Variants in CEP15 observed in about 807,000 individuals in gnomAD.
The protein encoded by CEP15 is centrosomal protein 15.
chr3:62,331,732 T>C, the CEP15 span, among the ~76,000 whole-genome samples: 1 of 152,134 alleles, frequency 6.6e-6, no homozygotes, highest in Non-Finnish European at 1.5e-5. Flanking sequence ...ACTCAAATGC[T>C]TTTGCTGCTT....
At chr3:62,333,540 T>G in the CEP15 span, 7 of 786,592 alleles carry the variant, frequency 8.9e-6, no homozygotes, top group Non-Finnish European at 1.1e-5. The surrounding 1 kb of genome is among the most constrained non-coding windows in gnomAD (Gnocchi z 4.0). Flanking sequence ...TACTGGCAAG[T>G]CACATGTTAT....
At chr3:62,327,975 C>A in the CEP15 span, among the ~76,000 whole-genome samples, 40 of 152,282 alleles carry the variant, frequency 2.6e-4, no homozygotes, top group African/African-American at 9.1e-4. Context: ...ATGATCCTAA[C>A]AGTCTTTGAT....
chr3:62,325,702 G>T, the CEP15 span, among the ~76,000 whole-genome samples: 2 of 152,052 alleles, frequency 1.3e-5, no homozygotes, highest in African/African-American at 4.8e-5. Flanking sequence ...CTCTCCCCAC[G>T]TACCTACCAT....
the CEP15 span, among the ~76,000 whole-genome samples, chr3:62,325,775 T>C: frequency 6.6e-6 from 1 of 152,196 alleles, no homozygotes; most frequent in Admixed American, 6.5e-5. Context: ...GGCTCACGCC[T>C]GTAATCCCAG....
At chr3:62,332,663 A>AAATT in the CEP15 span, among the ~76,000 whole-genome samples, 1 of 152,144 alleles carries the variant, frequency 6.6e-6, no homozygotes, top group Non-Finnish European at 1.5e-5. Context: ...AAAAATGGTT[A>AAATT]AATTATATTG....
the CEP15 span, among the ~76,000 whole-genome samples, chr3:62,332,804 G>A: frequency 1.3e-5 from 2 of 151,964 alleles, no homozygotes; most frequent in Non-Finnish European, 2.9e-5. Flanking sequence ...CTCATCCCAG[G>A]TCAAATCTTT....
the CEP15 span, among the ~76,000 whole-genome samples, chr3:62,325,410 T>C: frequency 7.9e-5 from 12 of 152,192 alleles, no homozygotes; most frequent in Non-Finnish European, 1.6e-4. Context: ...TCAAAGAATG[T>C]ATTTTAAAAA....
the CEP15 span, chr3:62,319,888 C>T: frequency 6.6e-6 from 1 of 152,384 alleles, no homozygotes; most frequent in Non-Finnish European, 1.5e-5. Context: ...CTGCACTCCA[C>T]AAATGAGAGT....
At chr3:62,328,860 G>A in the CEP15 span, among the ~76,000 whole-genome samples, 1 of 150,984 alleles carries the variant, frequency 6.6e-6, no homozygotes, top group East Asian at 2.0e-4. Flanking sequence ...AAGTATTAGG[G>A]TATAACTGGC....
At chr3:62,331,113 C>T in the CEP15 span, among the ~76,000 whole-genome samples, 18 of 152,202 alleles carry the variant, frequency 1.2e-4, no homozygotes, top group East Asian at 3.5e-3. Context: ...CCACCTCCCC[C>T]ACCCCTATCA....
At chr3:62,320,711 A>G in the CEP15 span, among the ~76,000 whole-genome samples, 68 of 152,164 alleles carry the variant, frequency 4.5e-4, no homozygotes, top group Admixed American at 3.2e-3. Flanking sequence ...GGTATGTTCT[A>G]TGTATTTTTA....
chr3:62,326,958 C>T, the CEP15 span, among the ~76,000 whole-genome samples: 11 of 152,190 alleles, frequency 7.2e-5, no homozygotes, highest in South Asian at 2.1e-4. Context: ...AGTATTCAGT[C>T]AGAGTTCACA....
At chr3:62,326,634 GT>G in the CEP15 span, among the ~76,000 whole-genome samples, 1 of 152,096 alleles carries the variant, frequency 6.6e-6, no homozygotes, top group African/African-American at 2.4e-5. Context: ...CTGGGAACTT[GT>G]TTTTTAACTG....
chr3:62,327,067 C>T, the CEP15 span, among the ~76,000 whole-genome samples: 1 of 152,090 alleles, frequency 6.6e-6, no homozygotes, highest in African/African-American at 2.4e-5. Context: ...AAAAGTATCC[C>T]CTGACCTTTT....
chr3:62,323,275 T>C, the CEP15 span, among the ~76,000 whole-genome samples: 1 of 151,988 alleles, frequency 6.6e-6, no homozygotes, highest in African/African-American at 2.4e-5. Flanking sequence ...TGGAATGGAG[T>C]CAGGACTACA....
chr3:62,330,924 G>A, the CEP15 span, among the ~76,000 whole-genome samples: 27 of 152,210 alleles, frequency 1.8e-4, no homozygotes, highest in African/African-American at 6.3e-4. Flanking sequence ...CACAGGGTGG[G>A]TCTGAGTATC....
chr3:62,321,854 AT>A, the CEP15 span: 3 of 1,188,044 alleles, frequency 2.5e-6, no homozygotes, highest in South Asian at 4.8e-5. This position sits in a 1 kb window ranked among gnomAD's most constrained non-coding sequence, Gnocchi z 4.1. Flanking sequence ...TAAGAAATGA[AT>A]TTTTTATATT....
the CEP15 span, among the ~76,000 whole-genome samples, chr3:62,329,958 G>A: frequency 6.6e-6 from 1 of 152,068 alleles, no homozygotes; most frequent in African/African-American, 2.4e-5. Flanking sequence ...TGTATCTGTC[G>A]TAGTGTCAGC....
chr3:62,320,446 A>G, the CEP15 span: 1 of 1,602,448 alleles, frequency 6.2e-7, no homozygotes, highest in African/African-American at 1.3e-5. Flanking sequence ...AAATGTTTTT[A>G]TTCTTTATGA....
Sources: allele counts gnomAD v4.1 joint callset (sites outside exome capture counted in the v4.1 genomes callset), GRCh38; gene constraint gnomAD v4.1.1; non-coding constraint Gnocchi (gnomAD v3.1); transcripts MANE v1.5; gene names NCBI Gene and HGNC (gene_info 2026-07-23, HGNC 2026-07-21).